The following GSR variants were observed in gnomAD, a reference collection of about 807,000 sequenced individuals.
The protein encoded by GSR is glutathione reductase, mitochondrial.
A neutral mutation model predicts 56.5 loss-of-function variants in GSR; 48 were observed. The ratio of observed to expected loss-of-function variants is 0.85; its 90% CI spans 0.67 to 1.08. GSR has a LOEUF of 1.08. Ranked by LOEUF, GSR falls within the 50% of genes least tolerant of loss-of-function variation. The pLI, the probability that GSR is intolerant of heterozygous loss-of-function variation, is 0.00. For missense variants in GSR, 694 were observed against 703.3 expected (o/e 0.99, Z 0.15); for synonymous variants, 264 against 270.8 (o/e 0.97, Z 0.25).
intron 1 of GSR, among the ~76,000 whole-genome samples, chr8:30,722,431 T>TA (rs1228639300): frequency 6.6e-6 from 1 of 152,178 alleles, no homozygotes; most frequent in Non-Finnish European, 1.5e-5. Flanking sequence ...TTGCATTTAA[T>TA]AATGCATGTT....
At chr8:30,719,850 T>C (rs536172394) in intron 1 of GSR, among the ~76,000 whole-genome samples, 1 of 152,116 alleles carries the variant, frequency 6.6e-6, no homozygotes, top group South Asian at 2.1e-4. Flanking sequence ...ACATTGCCCA[T>C]GTTGGCAGTA....
chr8:30,722,793 A>G (rs1039375221), intron 1 of GSR, among the ~76,000 whole-genome samples: 1 of 151,870 alleles, frequency 6.6e-6, no homozygotes, highest in Non-Finnish European at 1.5e-5. Flanking sequence ...TATAGACATC[A>G]TAATATCAAA....
intron 7 of GSR, among the ~76,000 whole-genome samples, chr8:30,693,818 CA>C: frequency 6.6e-6 from 1 of 152,252 alleles, no homozygotes; most frequent in Non-Finnish European, 1.5e-5. Context: ...TGTGAGCCAC[CA>C]TGCCCACCCA....
rs1586030445 is a variant in GSR, at chr8:30,680,906, T to C, written c.1417A>G (p.Lys473Glu). The C allele has an allele frequency of 6.2e-7, 1 of 1,613,600 alleles. No individual in the cohort carries two copies. The highest frequency in any genetic ancestry group is 2.2e-5 in the East Asian group (1 of 44,878). Residue 473 changes from lysine (K) to glutamate (E), a missense_variant and splice_region_variant, in exon 12 of 13, where the codon AAG becomes GAG. Lys to Glu is a moderately conservative substitution (Grantham distance 56, BLOSUM62 1). Transcript: ENST00000221130. ...TAGTTTGCTGGATTTTTCCTTACCT[T>C]TTCTTCCTTGTTAGCACAGACCATT... Reference protein sequence around the residue: ...MKMVCANKEEKVVGIHMQGLG... With the variant: ...MKMVCANKEEEVVGIHMQGLG...
At chr8:30,708,036 A>G (rs1004331243) in intron 4 of GSR, 36 bp downstream of exon 4, 3 of 1,341,278 alleles carry the variant, frequency 2.2e-6, no homozygotes, top group Non-Finnish European at 3.2e-6. Context: ...AGAAGGGAAC[A>G]GCTCTTTCTC....
chr8:30,710,118 C>T (rs1485035945), intron 2 of GSR, among the ~76,000 whole-genome samples: 3 of 151,880 alleles, frequency 2.0e-5, no homozygotes, highest in Non-Finnish European at 4.4e-5. Context: ...GAGTTCGGGA[C>T]CAGCCTGGCC....
rs11316943 is a variant in GSR, at chr8:30,721,658, GAA to G, written c.306+5870_306+5871del. Among the ~76,000 whole-genome samples the G allele has an allele frequency of 9.2e-4, 136 of 147,296 alleles. 1 individual carries two copies. The South Asian group carries it at 0.01, about 11-fold the overall frequency. ...ACAGAGTGAGACTTCGTGTCAAGAA[GAA>G]AAAAAAAAAGCCAAAGGGTATCAGT... On this transcript the variant is annotated intron_variant, in intron 1 of 12. Coordinates refer to ENST00000221130, the MANE Select transcript of GSR (RefSeq NM_000637.5).
chr8:30,689,571 T>C (rs770848771), intron 8 of GSR, among the ~76,000 whole-genome samples: 16 of 152,012 alleles, frequency 1.1e-4, no homozygotes, highest in Non-Finnish European at 2.1e-4. Context: ...GACACCATTG[T>C]AATGCCTCAC....
At chr8:30,720,592 C>A (rs1235244379) in intron 1 of GSR, among the ~76,000 whole-genome samples, 1 of 151,856 alleles carries the variant, frequency 6.6e-6, no homozygotes, top group African/African-American at 2.4e-5. Context: ...TATTCAATAT[C>A]CATGTCTCCA....
At chr8:30,689,959 T>A (rs1401261692) in intron 8 of GSR, among the ~76,000 whole-genome samples, 2 of 141,532 alleles carry the variant, frequency 1.4e-5, no homozygotes, top group African/African-American at 5.2e-5. Context: ...ATATGTATAT[T>A]TTTATTTATT....
At chr8:30,720,944 C>A (rs1020031512) in intron 1 of GSR, among the ~76,000 whole-genome samples, 2 of 151,882 alleles carry the variant, frequency 1.3e-5, no homozygotes, top group African/African-American at 4.8e-5. Flanking sequence ...GACAACACAG[C>A]GAGACCCCAT....
At chr8:30,699,921 G>C (rs989766749) in intron 6 of GSR, among the ~76,000 whole-genome samples, 160 bp downstream of exon 6, 6 of 152,156 alleles carry the variant, frequency 3.9e-5, no homozygotes, top group African/African-American at 1.4e-4. Flanking sequence ...CTACTGAGGA[G>C]TTCTAGGAAT....
chr8:30,722,518 G>GAGTTCTAGACCAGC lies in GSR; in HGVS notation c.306+5011_306+5012insGCTGGTCTAGAACT, dbSNP rs1554574712. On this transcript the variant is annotated intron_variant, in intron 1 of 12. Transcript: ENST00000221130. The stretch of plus-strand genomic sequence containing the variant: ...AGGTGGGAGGACTGCTTGAGCTCAG[G>GAGTTCTAGACCAGC]AGTTCGAGACCAGCCTGGGCAACAA... Among the ~76,000 whole-genome samples the GAGTTCTAGACCAGC allele has an allele frequency of 8.4e-4, 127 of 151,606 alleles. 1 individual carries two copies. The South Asian group carries it at 0.01, about 12-fold the overall frequency.
intron 7 of GSR, among the ~76,000 whole-genome samples, chr8:30,693,643 C>T (rs1395750032): frequency 1.3e-5 from 2 of 152,168 alleles, no homozygotes; most frequent in Non-Finnish European, 2.9e-5. Context: ...ATTCTCCCGC[C>T]TCATCCTCCC....
intron 4 of GSR, among the ~76,000 whole-genome samples, chr8:30,705,929 G>C (rs1293797788): frequency 6.6e-6 from 1 of 152,106 alleles, no homozygotes; most frequent in Non-Finnish European, 1.5e-5. Context: ...ACTGTACACA[G>C]TTAGCTATGT....
intron 5 of GSR, 45 bp downstream of exon 5, chr8:30,703,048 G>A: frequency 6.2e-7 from 1 of 1,601,120 alleles, no homozygotes; most frequent in East Asian, 2.2e-5. Context: ...GAAAGCAACA[G>A]TAAACTCCTG....
In GSR at chr8:30,696,411, G is replaced by T. The variant is rs1301297124; in HGVS notation, c.764C>A (p.Ser255Tyr). Reference protein sequence around the residue: ...EMAGILSALGSKTSLMIRHDK... With the variant: ...EMAGILSALGYKTSLMIRHDK... ...ATGCCGTATCATCAGTGATGTCTTA[G>T]AACCCAGGGCTGACAGGATCCCTGC... Residue 255 changes from serine (S) to tyrosine (Y), a missense_variant, in exon 7 of 13, where the codon TCT becomes TAT. Physicochemically the swap from Ser to Tyr is moderately radical, Grantham distance 144 (BLOSUM62 -2). Transcript: ENST00000221130. 3.7e-6 allele frequency: 6 copies of T among 1,611,792 alleles called. No homozygotes were observed. The highest frequency in any genetic ancestry group is 4.2e-6 in the Non-Finnish European group (5 of 1,177,872).
At chr8:30,721,725 G>A (rs778385904) in intron 1 of GSR, among the ~76,000 whole-genome samples, 4 of 151,666 alleles carry the variant, frequency 2.6e-5, no homozygotes, top group Non-Finnish European at 5.9e-5. Context: ...TATAAAAAAA[G>A]TTCTTGGATT....
intron 6 of GSR, among the ~76,000 whole-genome samples, 179 bp from the exon 7 acceptor site, chr8:30,696,658 T>C (rs898785465): frequency 2.0e-5 from 3 of 152,210 alleles, no homozygotes; most frequent in Non-Finnish European, 4.4e-5. Context: ...GAAATTGACA[T>C]TGGTACATTA....
Sources: gnomAD v4.1 joint callset for allele counts (sites outside exome capture counted in the v4.1 genomes callset) on GRCh38, gnomAD v4.1.1 for gene constraint, MANE v1.5 for transcripts, NCBI Gene and HGNC (gene_info 2026-07-23, HGNC 2026-07-21) for gene names.